The following FIGN variants were observed in gnomAD, a reference collection of about 807,000 sequenced individuals.
FIGN encodes fidgetin.
Under a neutral mutation model 51.3 loss-of-function variants are expected in FIGN, and 11 were observed. That is an observed-to-expected ratio of 0.21 (90% CI 0.13 to 0.35). The LOEUF is 0.35. FIGN is among the 10% of genes least tolerant of loss of function. The pLI, the probability that FIGN is intolerant of heterozygous loss-of-function variation, is 1.00. For missense variants in FIGN, 857 were observed against 943.6 expected (o/e 0.91, Z 1.20); for synonymous variants, 407 against 363.2 (o/e 1.12, Z -1.37).
intron 2 of FIGN, among the ~76,000 whole-genome samples, chr2:163,724,516 T>TATTC (rs1684810313): frequency 6.6e-6 from 1 of 151,988 alleles, no homozygotes; most frequent in Admixed American, 6.6e-5. Context: ...TTTTATTATT[T>TATTC]ATTTATTTAT....
rs908970019 is a variant in FIGN, at chr2:163,662,770, G to A, written c.26-50964C>T. 2.6e-5 allele frequency among the ~76,000 whole-genome samples: 4 copies of A among 152,212 alleles called. No individual in the cohort carries two copies. In the South Asian group the frequency reaches 8.3e-4, roughly 32 times the overall value. On this transcript the variant is annotated intron_variant, in intron 2 of 2. Transcript: ENST00000333129. ...CCCAGAATTCCCCCTGTTGTCAGAG[G>A]GACCTGAATCGGGGGAGGTAACTGA...
chr2:163,662,529 T>A (rs544972938), intron 2 of FIGN, among the ~76,000 whole-genome samples: 6 of 152,250 alleles, frequency 3.9e-5, no homozygotes, highest in African/African-American at 1.4e-4. Context: ...GGGGAAAATG[T>A]CTCCAGGCCA....
chr2:163,690,219 C>T (rs954647111), intron 2 of FIGN, among the ~76,000 whole-genome samples: 1 of 152,114 alleles, frequency 6.6e-6, no homozygotes, highest in African/African-American at 2.4e-5. Context: ...TAAAGAAAAA[C>T]ACATGATACT....
intron 2 of FIGN, among the ~76,000 whole-genome samples, chr2:163,708,207 G>A (rs113775719): frequency 4.7e-4 from 72 of 152,212 alleles, no homozygotes; most frequent in African/African-American, 1.5e-3. Context: ...TGCACACTAC[G>A]CTGTGTTTAT....
chr2:163,616,261 T>C (rs1256235113), intron 2 of FIGN, among the ~76,000 whole-genome samples: 1 of 152,156 alleles, frequency 6.6e-6, no homozygotes, highest in Non-Finnish European at 1.5e-5. Flanking sequence ...CTGCCACAGC[T>C]ATAAAATTTT....
At chr2:163,674,269 C>T (rs1454184589) in intron 2 of FIGN, among the ~76,000 whole-genome samples, 4 of 152,114 alleles carry the variant, frequency 2.6e-5, no homozygotes, top group South Asian at 2.1e-4. Context: ...TGCGTGTGTG[C>T]GTGCGTGTGT....
chr2:163,656,912 C>T (rs902397319), intron 2 of FIGN, among the ~76,000 whole-genome samples: 1 of 152,072 alleles, frequency 6.6e-6, no homozygotes, highest in African/African-American at 2.4e-5. Context: ...GGCATGTTTC[C>T]AGCTGTTGGC....
chr2:163,642,204 C>T (rs1197182926), intron 2 of FIGN, among the ~76,000 whole-genome samples: 5 of 152,204 alleles, frequency 3.3e-5, no homozygotes, highest in Admixed American at 6.5e-5. Flanking sequence ...CATTTACTCT[C>T]CAGCTGTTAC....
At chr2:163,638,421 G>T (rs958285080) in intron 2 of FIGN, among the ~76,000 whole-genome samples, 4 of 152,018 alleles carry the variant, frequency 2.6e-5, no homozygotes, top group African/African-American at 9.7e-5. Flanking sequence ...AGCTCAGAAA[G>T]GTAAATTCCA....
rs559180717 is a variant in FIGN, at chr2:163,632,910, G to A, written c.26-21104C>T. Among the ~76,000 whole-genome samples the A allele has an allele frequency of 1.6e-4, 24 of 152,088 alleles. No individual in the cohort carries two copies. In the South Asian group the frequency reaches 4.8e-3, roughly 30 times the overall value. ...TTTTTCCTAAAAATAATTTTCCTAG[G>A]CCAGGTTGGGTGGCTCATGCCTGTA... On this transcript the variant is annotated intron_variant, in intron 2 of 2. Transcript: ENST00000333129.
chr2:163,733,909 A>AATTAACG (rs1684969606), intron 2 of FIGN, among the ~76,000 whole-genome samples: 5 of 148,546 alleles, frequency 3.4e-5, no homozygotes, highest in Admixed American at 2.0e-4. Context: ...TTTCAGGAGG[A>AATTAACG]ATTAACGGTC....
intron 2 of FIGN, among the ~76,000 whole-genome samples, chr2:163,656,291 T>C (rs1427956921): frequency 6.6e-6 from 1 of 152,120 alleles, no homozygotes; most frequent in Non-Finnish European, 1.5e-5. Context: ...GTATCAAGAG[T>C]TCTAAATAGC....
At chr2:163,722,702 T>C (rs562874533) in intron 2 of FIGN, among the ~76,000 whole-genome samples, 1 of 152,208 alleles carries the variant, frequency 6.6e-6, no homozygotes, top group South Asian at 2.1e-4. Context: ...AAAAATAGAA[T>C]TAATGACTGT....
chr2:163,610,569 C>T lies in FIGN; in HGVS notation c.1263G>A (p.Lys421=), dbSNP rs190208457. ...GCTCACTCATTACTGGCGATGTGTA[C>T]TTCCCAAAGGATTCACTGGATCTTG... ...LGSRSSESFG[K]YTSPVMSEHG... The change falls in exon 3 of 3, where the codon AAG becomes AAA. Residue 421 remains lysine, a synonymous_variant. Coordinates refer to ENST00000333129, the MANE Select transcript of FIGN (RefSeq NM_018086.4). 6.2e-7 allele frequency: 1 copy of T among 1,614,172 alleles called. No homozygotes were observed. The highest frequency in any genetic ancestry group is 2.2e-5 in the East Asian group (1 of 44,866).
At chr2:163,699,908 G>C (rs1414707150) in intron 2 of FIGN, among the ~76,000 whole-genome samples, 1 of 152,104 alleles carries the variant, frequency 6.6e-6, no homozygotes, top group Non-Finnish European at 1.5e-5. Flanking sequence ...TTAAAGTTTG[G>C]TTTATTTATA....
intron 2 of FIGN, among the ~76,000 whole-genome samples, chr2:163,677,538 G>A (rs774003909): frequency 6.6e-6 from 1 of 152,134 alleles, no homozygotes; most frequent in Non-Finnish European, 1.5e-5. Context: ...AGCCACATGA[G>A]GCTAGTGGCT....
intron 2 of FIGN, among the ~76,000 whole-genome samples, chr2:163,636,467 T>C (rs909579588): frequency 1.3e-5 from 2 of 152,110 alleles, no homozygotes; most frequent in African/African-American, 4.8e-5. Flanking sequence ...GTATTTTTAG[T>C]AGAGACGGGG....
chr2:163,639,213 A>G (rs1238013016), intron 2 of FIGN, among the ~76,000 whole-genome samples: 1 of 152,098 alleles, frequency 6.6e-6, no homozygotes, highest in Non-Finnish European at 1.5e-5. Flanking sequence ...GTGGTTTTGC[A>G]TTTTTCCTAT....
chr2:163,705,109 C>T (rs1165151178), intron 2 of FIGN, among the ~76,000 whole-genome samples: 1 of 152,090 alleles, frequency 6.6e-6, no homozygotes. Context: ...ATAAGAGACA[C>T]CACATACATC....
Sources: allele counts gnomAD v4.1 joint callset (sites outside exome capture counted in the v4.1 genomes callset), GRCh38; gene constraint gnomAD v4.1.1; transcripts MANE v1.5; gene names NCBI Gene and HGNC (gene_info 2026-07-23, HGNC 2026-07-21).